Variants in TMEM182 observed in about 807,000 individuals in gnomAD.
TMEM182 encodes the protein transmembrane protein 182.
In TMEM182, 20 loss-of-function variants were observed where a neutral mutation model predicts 26.8. The observed-to-expected ratio is 0.75, with a 90% CI of 0.53 to 1.09. TMEM182 has a LOEUF of 1.09. TMEM182 is among the 50% of genes least tolerant of loss of function. The pLI, the probability that TMEM182 is intolerant of heterozygous loss-of-function variation, is 0.00. For synonymous variants in TMEM182, 109 were observed against 102.2 expected (o/e 1.07, Z -0.40); for missense variants, 277 against 275.5 (o/e 1.01, Z -0.04).
downstream of TMEM182, among the ~76,000 whole-genome samples, chr2:102,822,607 T>C (rs1682945503): frequency 6.6e-6 from 1 of 152,168 alleles, no homozygotes; most frequent in African/African-American, 2.4e-5. Context: ...GTGCAACTTC[T>C]AAAAGCTGAC....
At chr2:102,825,066 A>G (rs1411846420) in intron 3 of TMEM182, among the ~76,000 whole-genome samples, 1 of 152,206 alleles carries the variant, frequency 6.6e-6, no homozygotes, top group Non-Finnish European at 1.5e-5. Context: ...ATAACATGTT[A>G]TTTTATGTTG....
intron 3 of TMEM182, among the ~76,000 whole-genome samples, chr2:102,827,700 G>A (rs1029885044): frequency 1.3e-5 from 2 of 152,206 alleles, no homozygotes; most frequent in African/African-American, 4.8e-5. Context: ...GAAAGCAGTT[G>A]TTAACCTCGC....
intron 4 of TMEM182, among the ~76,000 whole-genome samples, chr2:102,805,896 T>C (rs1030019): frequency 0.38 from 57,073 of 151,748 alleles, 11,473 homozygotes; most frequent in African/African-American, 0.52. Flanking sequence ...CAGAGCGAGA[T>C]CCTGTCTCTA....
chr2:102,799,528 A>G (rs568595499), intron 4 of TMEM182, among the ~76,000 whole-genome samples: 2 of 152,342 alleles, frequency 1.3e-5, no homozygotes, highest in South Asian at 4.1e-4. Context: ...CAAATTGTCC[A>G]TTTTTATGCT....
chr2:102,818,780 A>ATCTG (rs1262730772), downstream of TMEM182, among the ~76,000 whole-genome samples: 4 of 151,818 alleles, frequency 2.6e-5, no homozygotes, highest in Non-Finnish European at 4.4e-5. Context: ...CTATCTATCT[A>ATCTG]TCTCTAAATT....
intron 3 of TMEM182, among the ~76,000 whole-genome samples, chr2:102,766,969 A>G (rs1434676197): frequency 6.6e-6 from 1 of 152,212 alleles, no homozygotes; most frequent in Non-Finnish European, 1.5e-5. Flanking sequence ...TAATAAGGAG[A>G]CTGGGAATCA....
chr2:102,824,362 G>A lies in TMEM182; in HGVS notation c.326-19050G>A, dbSNP rs181608430. ...TGTGTCCCTGCCCAAATCTCATGTCGAATCATAATCCCCAGTGTTGGAGGA... is the reference window on the plus strand; with the variant it reads ...TGTGTCCCTGCCCAAATCTCATGTCAAATCATAATCCCCAGTGTTGGAGGA... On this transcript the variant is annotated intron_variant, in intron 3 of 3. Transcript: ENST00000486293. Among the ~76,000 whole-genome samples, 32 of 152,288 alleles carry A rather than the reference G, an allele frequency of 2.1e-4. No individual in the cohort carries two copies. The East Asian group carries it at 2.3e-3, about 11-fold the overall frequency.
chr2:102,740,748 A>G (rs997213541), intron 1 of TMEM182, among the ~76,000 whole-genome samples: 2 of 152,244 alleles, frequency 1.3e-5, no homozygotes, highest in East Asian at 3.9e-4. Flanking sequence ...ATATATGTAA[A>G]CAAGGTGTTG....
chr2:102,770,624 G>A (rs1368802620), intron 3 of TMEM182, among the ~76,000 whole-genome samples: 2 of 152,164 alleles, frequency 1.3e-5, no homozygotes, highest in African/African-American at 4.8e-5. Flanking sequence ...AGGTTAGACA[G>A]CAGTGATCTC....
chr2:102,805,710 T>A (rs372599550), intron 4 of TMEM182, among the ~76,000 whole-genome samples: 1 of 152,178 alleles, frequency 6.6e-6, no homozygotes, highest in African/African-American at 2.4e-5. Flanking sequence ...ATCATTAATC[T>A]TTATCCTGAA....
upstream of TMEM182, among the ~76,000 whole-genome samples, chr2:102,758,140 G>A (rs2540305): frequency 0.24 from 36,488 of 152,028 alleles, 4,450 homozygotes; most frequent in South Asian, 0.28. Flanking sequence ...GACTAGCAAT[G>A]GAGCCGTTTT....
chr2:102,804,392 T>C (rs2732818), intron 4 of TMEM182, among the ~76,000 whole-genome samples: 50,731 of 151,992 alleles, frequency 0.33, 8,665 homozygotes, highest in South Asian at 0.42. Context: ...TTGCATATAT[T>C]AGTGAAAACG....
chr2:102,840,758 T>C (rs1329197016), intron 3 of TMEM182, among the ~76,000 whole-genome samples: 1 of 152,208 alleles, frequency 6.6e-6, no homozygotes, highest in African/African-American at 2.4e-5. Flanking sequence ...ATTTTAGGCA[T>C]TCTCTGTTGG....
At chr2:102,813,855 G>T (rs924979543) in intron 4 of TMEM182, among the ~76,000 whole-genome samples, 7 of 152,096 alleles carry the variant, frequency 4.6e-5, no homozygotes, top group Non-Finnish European at 7.4e-5. Flanking sequence ...TTGGGATGTT[G>T]CCCTCTAGTT....
At chr2:102,823,890 A>G (rs1181159665) in intron 3 of TMEM182, among the ~76,000 whole-genome samples, 1 of 152,252 alleles carries the variant, frequency 6.6e-6, no homozygotes, top group African/African-American at 2.4e-5. Flanking sequence ...TCTAGGGCCA[A>G]TCAAAAGGCG....
intron 3 of TMEM182, among the ~76,000 whole-genome samples, chr2:102,796,206 T>G (rs2104724818): frequency 6.6e-6 from 1 of 152,332 alleles, no homozygotes; most frequent in Non-Finnish European, 1.5e-5. Context: ...TCAGGCCAAA[T>G]CCATGAGGAA....
chr2:102,835,749 C>T (rs1305373184), intron 3 of TMEM182, among the ~76,000 whole-genome samples: 4 of 151,838 alleles, frequency 2.6e-5, no homozygotes, highest in Non-Finnish European at 5.9e-5. Context: ...GCACAACATG[C>T]AGGTTTCTTA....
At chr2:102,763,134 T>TA (rs1680285169) in intron 2 of TMEM182, among the ~76,000 whole-genome samples, 2 of 151,984 alleles carry the variant, frequency 1.3e-5, no homozygotes, top group Admixed American at 6.6e-5. Context: ...TATATTTTTT[T>TA]TAAAAAAATC....
chr2:102,840,807 CTGCA>C (rs1037250067), intron 3 of TMEM182, among the ~76,000 whole-genome samples: 3 of 152,186 alleles, frequency 2.0e-5, no homozygotes, highest in Admixed American at 2.0e-4. Flanking sequence ...AGATCTGCCA[CTGCA>C]TGAACTACAT....
Sources: gnomAD v4.1 joint callset for allele counts (sites outside exome capture counted in the v4.1 genomes callset) on GRCh38, gnomAD v4.1.1 for gene constraint, MANE v1.5 for transcripts, NCBI Gene and HGNC (gene_info 2026-07-23, HGNC 2026-07-21) for gene names.